RNF13: variants seen among roughly 807,000 people sequenced by gnomAD.
RNF13 encodes ring finger protein 13.
Under a neutral mutation model 37.7 loss-of-function variants are expected in RNF13, and 19 were observed. The observed-to-expected ratio is 0.50, with a 90% CI of 0.35 to 0.74. RNF13 has a LOEUF of 0.74. Ranked by LOEUF, RNF13 falls within the 30% of genes least tolerant of loss-of-function variation. The pLI is 0.01. For missense variants in RNF13, 375 were observed against 453.0 expected (o/e 0.83, Z 1.56); for synonymous variants, 144 against 157.8 (o/e 0.91, Z 0.65).
chr3:149,816,239 A>G (rs1719438575), intron 1 of RNF13, among the ~76,000 whole-genome samples: 1 of 152,152 alleles, frequency 6.6e-6, no homozygotes, highest in Non-Finnish European at 1.5e-5. Context: ...GAATTAAGGC[A>G]TCACAGATAC....
At chr3:149,859,417 G>T (rs1017661438) in intron 3 of RNF13, among the ~76,000 whole-genome samples, 3 of 152,070 alleles carry the variant, frequency 2.0e-5, no homozygotes, top group Non-Finnish European at 4.4e-5. Flanking sequence ...AAATGAAGCA[G>T]GAATATAGCA....
intron 4 of RNF13, among the ~76,000 whole-genome samples, chr3:149,881,181 G>A (rs972452280): frequency 2.6e-5 from 4 of 152,168 alleles, no homozygotes; most frequent in Non-Finnish European, 4.4e-5. Context: ...GGGACACTAA[G>A]AAGTATGCTT....
intron 4 of RNF13, among the ~76,000 whole-genome samples, chr3:149,880,745 C>T (rs1025465520): frequency 5.3e-5 from 8 of 152,088 alleles, no homozygotes; most frequent in African/African-American, 1.9e-4. Flanking sequence ...CATTCAAAGA[C>T]CTATAAGCTA....
At chr3:149,847,578 T>G (rs887891147) in intron 2 of RNF13, among the ~76,000 whole-genome samples, 5 of 152,072 alleles carry the variant, frequency 3.3e-5, no homozygotes, top group Admixed American at 1.3e-4. Context: ...TCCTCTGTAG[T>G]AGGGAACTGG....
At chr3:149,813,614 C>G (rs1028517386) in intron 1 of RNF13, among the ~76,000 whole-genome samples, 1 of 152,194 alleles carries the variant, frequency 6.6e-6, no homozygotes, top group Non-Finnish European at 1.5e-5. Flanking sequence ...TTTTGCTTCT[C>G]TCATTCCCTT....
intron 1 of RNF13, among the ~76,000 whole-genome samples, chr3:149,832,984 C>CA (rs1559893709): frequency 1.3e-5 from 2 of 151,948 alleles, no homozygotes; most frequent in African/African-American, 2.4e-5. Context: ...AAACTCTTCC[C>CA]AAAAAACTGA....
intron 5 of RNF13, among the ~76,000 whole-genome samples, chr3:149,896,573 G>T (rs1576839793): frequency 6.6e-6 from 1 of 151,652 alleles, no homozygotes; most frequent in African/African-American, 2.4e-5. Flanking sequence ...TCTGCCTCCT[G>T]GGTTCAAGCG....
At chr3:149,887,460 C>T (rs1465932115) in intron 4 of RNF13, among the ~76,000 whole-genome samples, 1 of 152,094 alleles carries the variant, frequency 6.6e-6, no homozygotes, top group Non-Finnish European at 1.5e-5. Context: ...GCCATCACAC[C>T]CAGCTTATTT....
chr3:149,862,135 A>G (rs1022562882), intron 3 of RNF13, among the ~76,000 whole-genome samples: 42 of 152,194 alleles, frequency 2.8e-4, no homozygotes, highest in African/African-American at 9.1e-4. Flanking sequence ...ATAAAAATCT[A>G]TACATTCATA....
At chr3:149,953,925 CTT>C (rs1475190838) in intron 8 of RNF13, among the ~76,000 whole-genome samples, 12 of 152,124 alleles carry the variant, frequency 7.9e-5, no homozygotes, top group African/African-American at 2.4e-4. Context: ...AAAACAACCT[CTT>C]AAATAAAAAT....
At chr3:149,902,989 A>C (rs1049229646) in intron 6 of RNF13, among the ~76,000 whole-genome samples, 1 of 152,144 alleles carries the variant, frequency 6.6e-6, no homozygotes, top group Non-Finnish European at 1.5e-5. Context: ...TTGCCAGAAG[A>C]GGTAACTGGC....
chr3:149,948,839 C>T (rs535229923), intron 8 of RNF13, among the ~76,000 whole-genome samples: 1 of 152,124 alleles, frequency 6.6e-6, no homozygotes, highest in Non-Finnish European at 1.5e-5. Context: ...CCAGCCTGGG[C>T]AAAATGGTGA....
At chr3:149,917,984 C>A (rs1323356351) in intron 7 of RNF13, among the ~76,000 whole-genome samples, 2 of 152,048 alleles carry the variant, frequency 1.3e-5, no homozygotes, top group Admixed American at 1.3e-4. Flanking sequence ...TTTCTGCGTT[C>A]TTTTTCTATT....
At chr3:149,835,102 G>A (rs1166989164) in intron 1 of RNF13, among the ~76,000 whole-genome samples, 1 of 151,936 alleles carries the variant, frequency 6.6e-6, no homozygotes, top group African/African-American at 2.4e-5. Flanking sequence ...CACAACATTG[G>A]AATTGTCAAT....
intron 6 of RNF13, 76 bp from the exon 7 acceptor site, chr3:149,911,901 AT>A: frequency 2.5e-6 from 2 of 792,724 alleles, no homozygotes; most frequent in Admixed American, 4.1e-5. Context: ...TTTTAAAAAT[AT>A]TTTTTCCTGT....
chr3:149,866,744 T>C (rs573964891), intron 3 of RNF13, among the ~76,000 whole-genome samples: 2 of 152,352 alleles, frequency 1.3e-5, no homozygotes, highest in African/African-American at 4.8e-5. Flanking sequence ...AGTTTCATTT[T>C]CATTTGTTTC....
intron 1 of RNF13, among the ~76,000 whole-genome samples, chr3:149,828,936 A>G (rs1444833481): frequency 6.6e-6 from 1 of 152,184 alleles, no homozygotes; most frequent in Non-Finnish European, 1.5e-5. Context: ...TACTGAACTA[A>G]AAATGTATTT....
chr3:149,910,330 A>G (rs890509418), intron 6 of RNF13, among the ~76,000 whole-genome samples: 2 of 152,182 alleles, frequency 1.3e-5, no homozygotes, highest in African/African-American at 2.4e-5. Flanking sequence ...GTGCAAAGCT[A>G]TACAAATGTG....
At chr3:149,837,268 G>T (rs112633398) in intron 1 of RNF13, among the ~76,000 whole-genome samples, 4 of 152,100 alleles carry the variant, frequency 2.6e-5, no homozygotes, top group African/African-American at 4.8e-5. Context: ...GAAAAGCAGA[G>T]AAATAGTGTA....
Sources: gnomAD v4.1 joint callset for allele counts (sites outside exome capture counted in the v4.1 genomes callset) on GRCh38, gnomAD v4.1.1 for gene constraint, MANE v1.5 for transcripts, NCBI Gene and HGNC (gene_info 2026-07-23, HGNC 2026-07-21) for gene names.